Variants in HAPLN4 observed in about 807,000 individuals in gnomAD.
HAPLN4 encodes hyaluronan and proteoglycan link protein 4.
HAPLN4 carries 19 observed loss-of-function variants against 28.0 expected under a neutral mutation model. That is an observed-to-expected ratio of 0.68 (90% CI 0.47 to 1.00). The LOEUF (loss-of-function observed/expected upper bound fraction) is 1.00. HAPLN4 is among the 50% of genes least tolerant of loss of function. HAPLN4 has a pLI of 0.00. For missense variants in HAPLN4, 587 were observed against 602.6 expected (o/e 0.97, Z 0.27); for synonymous variants, 274 against 273.0 (o/e 1.00, Z -0.03).
Position 19,257,046 on chromosome 19 carries a change from G to A in HAPLN4, c.*771C>T, listed in dbSNP as rs748613328. On this transcript the variant is annotated 3_prime_UTR_variant, in exon 5 of 5. Coordinates refer to ENST00000291481, the MANE Select transcript of HAPLN4 (RefSeq NM_023002.3). Reference sequence around the variant, plus strand: ...GAAAGGGACGTCAGAGGACAGGGTGGGTTTGCTCTCCCTTCAAAGAAATAT... The same window carrying A: ...GAAAGGGACGTCAGAGGACAGGGTGAGTTTGCTCTCCCTTCAAAGAAATAT... 1 of 152,422 alleles carries A rather than the reference G, an allele frequency of 6.6e-6. No individual in the cohort carries two copies. Among genetic ancestry groups the A allele is most frequent in the Non-Finnish European group, 1.5e-5 (1 of 68,064 alleles). The allele number at this position is 152,422 out of a possible 1,614,324, so 9.4% of individuals were successfully genotyped here. A position where few individuals can be genotyped will look rare whatever the true frequency, so the allele number is the denominator to read the frequency against.
At position 19,262,786 on chromosome 19, in the gene HAPLN4, C is replaced by T. The variant is rs1046982273; in HGVS notation, c.-54G>A. The T allele has an allele frequency of 1.3e-4, 204 of 1,594,898 alleles. No individual in the cohort carries two copies. Among genetic ancestry groups the T allele is most frequent in the Non-Finnish European group, 1.6e-4 (182 of 1,169,916 alleles). ...CCCTACGCACCCGGACTGCGCTCCCCGCACACCCGGTTAAGACTGGGCAGG... is the reference window on the plus strand; with the variant it reads ...CCCTACGCACCCGGACTGCGCTCCCTGCACACCCGGTTAAGACTGGGCAGG... On this transcript the variant is annotated 5_prime_UTR_variant, in exon 1 of 5. Transcript: ENST00000291481.
At position 19,255,458 on chromosome 19, in the gene HAPLN4, T is replaced by C. The variant is rs2060962704; in HGVS notation, c.*2359A>G. 6.6e-6 allele frequency: 1 copy of C among 151,854 alleles called. No homozygotes were observed. Among genetic ancestry groups the C allele is most frequent in the South Asian group, 2.1e-4 (1 of 4,808 alleles). 9.4% of individuals were successfully genotyped at this position (151,854 alleles called of 1,614,324 possible). Reference sequence around the variant, plus strand: ...TACTCGGGAGGCTGAGGCAGGAGAATCACTTGAACCCGGGAGGCAGAGGTT... The same window carrying C: ...TACTCGGGAGGCTGAGGCAGGAGAACCACTTGAACCCGGGAGGCAGAGGTT... On this transcript the variant is annotated 3_prime_UTR_variant, in exon 5 of 5. Transcript: ENST00000291481.
In HAPLN4 at chr19:19,258,658, C is replaced by G. The variant is rs1175853282; in HGVS notation, c.682G>C (p.Glu228Gln). The G allele has an allele frequency of 6.2e-7, 1 of 1,610,672 alleles. No individual in the cohort carries two copies. Among genetic ancestry groups the G allele is most frequent in the Non-Finnish European group, 8.5e-7 (1 of 1,178,594 alleles). ...GTCCCCCCCAGGCCGCCGCAGGGCT[C>G]CCGGGGCCGGTTCACGGGGTATTGC... is the stretch of plus-strand genomic sequence containing the variant. ...SVQYPVNRPR[E>Q]PCGGLGGTGS... The change falls in exon 4 of 5, where the codon GAG (glutamate) becomes CAG (glutamine). Residue 228 changes from glutamate to glutamine, a missense_variant. Transcript: ENST00000291481. This position sits in a 1 kb window ranked among gnomAD's most constrained non-coding sequence, Gnocchi z 6.2.
Position 19,258,228 on chromosome 19 carries a change from G to C in HAPLN4, c.818-20C>G, listed in dbSNP as rs780003827. On this transcript the variant is annotated intron_variant, in intron 4 of 4. Transcript: ENST00000291481. This position sits in a 1 kb window ranked among gnomAD's most constrained non-coding sequence, Gnocchi z 6.2. The stretch of plus-strand genomic sequence containing the variant: ...CGCGCCCTGCGGGGGTGAGGTGGGG[G>C]GTGGGTTATTAGTGCGGCTCCTGGG... 6.9e-5 allele frequency: 101 copies of C among 1,466,924 alleles called. No homozygotes were observed. The highest frequency in any genetic ancestry group is 8.1e-5 in the Non-Finnish European group (90 of 1,109,820). The allele number at this position is 1,466,924 out of a possible 1,614,324, so 90.9% of individuals were successfully genotyped here. A position where few individuals can be genotyped will look rare whatever the true frequency, so the allele number is the denominator to read the frequency against.
rs758784809 is a variant in HAPLN4, at chr19:19,257,881, G to GCCCAGC, written c.1139_1144dup (p.Gly380_Trp381dup). The GCCCAGC allele has an allele frequency of 1.9e-5, 27 of 1,459,246 alleles. No individual in the cohort carries two copies. The highest frequency in any genetic ancestry group is 5.4e-5 in the South Asian group (4 of 73,416). 90.4% of individuals were successfully genotyped at this position (1,459,246 alleles called of 1,614,324 possible). On this transcript the variant is annotated inframe_insertion, in exon 5 of 5. Coordinates refer to ENST00000291481, the MANE Select transcript of HAPLN4 (RefSeq NM_023002.3). ...GCCCCCTGCCCAGCCGCCGCCGCCC[G>GCCCAGC]CCCAGCCCCAGCCCCAGCCGCCAGG...
intron 1 of HAPLN4, 103 bp downstream of exon 1, chr19:19,262,627 G>C (rs2060987922): frequency 1.5e-6 from 2 of 1,336,912 alleles, no homozygotes; most frequent in Admixed American, 3.8e-5. Flanking sequence ...AAAAGGAAGA[G>C]ACAGAAGAAA....
chr19:19,261,118 C>T lies in HAPLN4; in HGVS notation c.179G>A (p.Arg60His). ...QTAPGQVVSH[R>H]GGTIVLPCRY... ...GCAGGGCAAGACGATGGTGCCACCA[C>T]GGTGGCTTACCACCTGCCCAGGCGC... is the stretch of plus-strand genomic sequence containing the variant. The change falls in exon 3 of 5, where the codon CGT (arginine) becomes CAT (histidine). Residue 60 changes from arginine to histidine, a missense_variant. By Grantham distance (29) the Arg-to-His change is conservative. Transcript: ENST00000291481. The T allele has an allele frequency of 1.2e-6, 2 of 1,611,158 alleles. No individual in the cohort carries two copies. The highest frequency in any genetic ancestry group is 1.1e-5 in the South Asian group (1 of 90,964).
Position 19,260,849 on chromosome 19 carries a change from C to T in HAPLN4, c.448G>A (p.Glu150Lys), listed in dbSNP as rs1173891866. Residue 150 changes from glutamate (E) to lysine (K), a missense_variant, in exon 3 of 5, where the codon GAA becomes AAA. Physicochemically the swap from Glu to Lys is moderately conservative, Grantham distance 56 (BLOSUM62 1). Transcript: ENST00000291481. Reference sequence around the variant, plus strand: ...AGCTTGACCATGCCAGCGTCATCTTCCAGCTCATTGGTGACTTCGCACTCA... The same window carrying T: ...AGCTTGACCATGCCAGCGTCATCTTTCAGCTCATTGGTGACTTCGCACTCA... ...RYECEVTNELEDDAGMVKLDL... is the reference protein window; with the variant it reads ...RYECEVTNELKDDAGMVKLDL... 2 of 1,613,156 alleles carry T rather than the reference C, an allele frequency of 1.2e-6. No homozygotes were observed. The highest frequency in any genetic ancestry group is 1.3e-5 in the African/African-American group (1 of 74,928).
Position 19,257,717 on chromosome 19 carries a change from G to T in HAPLN4, c.*100C>A. ...TAGTTTGTAAGGGACCACAGGGAATGTGGCCAGTGTCCAGGGCTTCAAGGG... is the reference window on the plus strand; with the variant it reads ...TAGTTTGTAAGGGACCACAGGGAATTTGGCCAGTGTCCAGGGCTTCAAGGG... On this transcript the variant is annotated 3_prime_UTR_variant, in exon 5 of 5. Coordinates refer to ENST00000291481, the MANE Select transcript of HAPLN4 (RefSeq NM_023002.3). 1 of 1,296,642 alleles carries T rather than the reference G, an allele frequency of 7.7e-7. No individual in the cohort carries two copies. The highest frequency in any genetic ancestry group is 9.9e-7 in the Non-Finnish European group (1 of 1,010,910). The allele number at this position is 1,296,642 out of a possible 1,614,324, so 80.3% of individuals were successfully genotyped here. A position where few individuals can be genotyped will look rare whatever the true frequency, so the allele number is the denominator to read the frequency against.
chr19:19,258,898 C>T lies in HAPLN4; in HGVS notation c.485-43G>A, dbSNP rs1057505679. On this transcript the variant is annotated intron_variant, in intron 3 of 4. Transcript: ENST00000291481. The surrounding 1 kb of genome is among the most constrained non-coding windows in gnomAD (Gnocchi z 6.2). ...GGATCAGCAGGTACACCCCAGCCCACCCTCATGCACCTGACGTCTGGGGTG... is the reference window on the plus strand; with the variant it reads ...GGATCAGCAGGTACACCCCAGCCCATCCTCATGCACCTGACGTCTGGGGTG... The T allele has an allele frequency of 3.5e-6, 5 of 1,424,372 alleles. No homozygotes were observed. The highest frequency in any genetic ancestry group is 4.7e-6 in the Non-Finnish European group (5 of 1,070,512). 88.2% of individuals were successfully genotyped at this position (1,424,372 alleles called of 1,614,324 possible).
In HAPLN4 at chr19:19,261,432, C is replaced by G; in HGVS notation, c.121+14G>C. 1 of 1,599,760 alleles carries G rather than the reference C, an allele frequency of 6.3e-7. No homozygotes were observed. Among genetic ancestry groups the G allele is most frequent in the Non-Finnish European group, 8.6e-7 (1 of 1,168,154 alleles). On this transcript the variant is annotated intron_variant, in intron 2 of 4. Transcript: ENST00000291481. ...TTTTCGCGGAGAAGACCACTTTTAG[C>G]GGCCCTGACTCACCCAGCACGTGCA...
At chr19:19,261,873 G>C (rs918348384) in intron 1 of HAPLN4, among the ~76,000 whole-genome samples, 24 of 152,196 alleles carry the variant, frequency 1.6e-4, no homozygotes, top group South Asian at 6.2e-4. Context: ...CCGGGGATAG[G>C]GGGGTGGGGA....
intron 3 of HAPLN4, 49 bp downstream of exon 3, chr19:19,260,764 C>T (rs1328625485): frequency 2.5e-6 from 4 of 1,575,920 alleles, no homozygotes; most frequent in Admixed American, 1.7e-5. Flanking sequence ...CCATCCCCGC[C>T]CCCCTCCTTC....
At chr19:19,260,724 A>C (rs1218272027) in intron 3 of HAPLN4, 89 bp downstream of exon 3, 4 of 1,497,652 alleles carry the variant, frequency 2.7e-6, no homozygotes, top group Admixed American at 1.8e-5. Context: ...AAATGCCTGC[A>C]GGCCAACTTG....
Position 19,258,077 on chromosome 19 carries a change from G to A in HAPLN4, c.949C>T (p.Arg317Cys), listed in dbSNP as rs1326486130. 3 of 1,555,860 alleles carry A rather than the reference G, an allele frequency of 1.9e-6. No individual in the cohort carries two copies. The highest frequency in any genetic ancestry group is 2.7e-5 in the African/African-American group (2 of 73,996). The change falls in exon 5 of 5, where the codon CGC becomes TGC. Residue 317 changes from arginine to cysteine, a missense_variant. Coordinates refer to ENST00000291481, the MANE Select transcript of HAPLN4 (RefSeq NM_023002.3). This position sits in a 1 kb window ranked among gnomAD's most constrained non-coding sequence, Gnocchi z 6.2. ...TCGGCCAGCCAACCCGCGGTGCAGC[G>A]GTCTAGCAGCTGCAGCTTCCACGCG... ...FAAWKLQLLD[R>C]CTAGWLADGS...
At chr19:19,262,127 T>C (rs1456291237) in intron 1 of HAPLN4, among the ~76,000 whole-genome samples, 1 of 134,882 alleles carries the variant, frequency 7.4e-6, no homozygotes, top group African/African-American at 2.8e-5. Context: ...GAGACAGATG[T>C]AGAGGGAGAG....
intron 1 of HAPLN4, 117 bp downstream of exon 1, chr19:19,262,613 A>G (rs991015802): frequency 1.2e-4 from 141 of 1,212,626 alleles, no homozygotes; most frequent in Non-Finnish European, 1.2e-4. Context: ...GGTGAGAGAC[A>G]GAGAAAAGGA....
rs2060979673 is a variant in HAPLN4 at position 19,260,691 on chromosome 19, G to A, written c.484+122C>T. ...AAAATCACCCAGAACCAGATATGGG[G>A]GCTCTACCCCAACCAACCTTCTAAA... On this transcript the variant is annotated intron_variant, in intron 3 of 4. Transcript: ENST00000291481. 2.5e-6 allele frequency: 3 copies of A among 1,201,798 alleles called. 1 individual carries two copies. The highest frequency in any genetic ancestry group is 3.0e-5 in the African/African-American group (2 of 66,206). 74.4% of individuals were successfully genotyped at this position (1,201,798 alleles called of 1,614,324 possible). A position where few individuals can be genotyped will look rare whatever the true frequency, so the allele number is the denominator to read the frequency against.
In HAPLN4 at chr19:19,255,759, T is replaced by C. The variant is rs1315507896; in HGVS notation, c.*2058A>G. 1 of 152,202 alleles carries C rather than the reference T, an allele frequency of 6.6e-6. No homozygotes were observed. Among genetic ancestry groups the C allele is most frequent in the Non-Finnish European group, 1.5e-5 (1 of 68,038 alleles). 9.4% of individuals were successfully genotyped at this position (152,202 alleles called of 1,614,324 possible). On this transcript the variant is annotated 3_prime_UTR_variant, in exon 5 of 5. Transcript: ENST00000291481. ...AGAACACAGGTTCAGAAGGAGTTTG[T>C]CACTTGGTCACACAGTGAGCAAGAA...
Sources: allele counts gnomAD v4.1 joint callset (sites outside exome capture counted in the v4.1 genomes callset), GRCh38; gene constraint gnomAD v4.1.1; non-coding constraint Gnocchi (gnomAD v3.1); transcripts MANE v1.5; gene names NCBI Gene and HGNC (gene_info 2026-07-23, HGNC 2026-07-21).